Variants in CARM1 observed in about 807,000 individuals in gnomAD.
CARM1 encodes coactivator associated arginine methyltransferase 1.
In CARM1, 14 loss-of-function variants were observed where a neutral mutation model predicts 72.7. The observed-to-expected ratio is 0.19, with a 90% CI of 0.13 to 0.30. The LOEUF (loss-of-function observed/expected upper bound fraction) is 0.30, where lower values mean the gene tolerates loss of function less well. CARM1 is among the 10% of genes least tolerant of loss of function. The probability of loss-of-function intolerance (pLI) is 1.00; values close to 1 mark genes in which losing one functional copy is unlikely to be tolerated. For missense variants in CARM1, 432 were observed against 833.7 expected (o/e 0.52, Z 5.93); for synonymous variants, 333 against 345.5 (o/e 0.96, Z 0.40).
intron 1 of CARM1, among the ~76,000 whole-genome samples, chr19:10,873,600 T>C (rs925537762): frequency 6.0e-5 from 9 of 149,948 alleles, no homozygotes; most frequent in African/African-American, 2.2e-4. Flanking sequence ...AAAAAAAAAT[T>C]TTTTTTAGAA....
At position 10,921,977 on chromosome 19, in the gene CARM1, C is replaced by T. The variant is rs1356504819; in HGVS notation, c.*220C>T. 4.0e-6 allele frequency: 2 copies of T among 499,006 alleles called. No homozygotes were observed. Among genetic ancestry groups the T allele is most frequent in the Admixed American group, 3.8e-5 (1 of 26,594 alleles). 30.9% of individuals were successfully genotyped at this position (499,006 alleles called of 1,614,324 possible). ...GCGTGTGTCGCTGCCATATTTTACA[C>T]AAAATCATGTTGTGGGAGCCCTCGT... On this transcript the variant is annotated 3_prime_UTR_variant, in exon 16 of 16. Transcript: ENST00000327064.
chr19:10,873,080 G>A (rs879867809), intron 1 of CARM1, among the ~76,000 whole-genome samples: 2 of 152,156 alleles, frequency 1.3e-5, no homozygotes, highest in Non-Finnish European at 2.9e-5. Flanking sequence ...TCTTGGACCA[G>A]ATGAGAGGGG....
At chr19:10,913,286 T>C (rs1395827737) in intron 5 of CARM1, among the ~76,000 whole-genome samples, 7 of 152,176 alleles carry the variant, frequency 4.6e-5, no homozygotes, top group Non-Finnish European at 1.0e-4. Flanking sequence ...AGGCCAGGCA[T>C]GGTGGCTCAC....
At chr19:10,886,428 T>A (rs2073942891) in intron 1 of CARM1, among the ~76,000 whole-genome samples, 1 of 152,072 alleles carries the variant, frequency 6.6e-6, no homozygotes, top group Admixed American at 6.5e-5. Context: ...ACTCCTGGGC[T>A]CATGCAGTCC....
At chr19:10,880,412 C>G (rs901337377) in intron 1 of CARM1, among the ~76,000 whole-genome samples, 1 of 152,014 alleles carries the variant, frequency 6.6e-6, no homozygotes, top group African/African-American at 2.4e-5. Flanking sequence ...GTGACACGAT[C>G]ATAGCTCATT....
At chr19:10,890,795 A>ATATATATT (rs1217665879) in intron 1 of CARM1, among the ~76,000 whole-genome samples, 1 of 47,466 alleles carries the variant, frequency 2.1e-5, no homozygotes, top group Non-Finnish European at 3.4e-5. Flanking sequence ...ATATATATAT[A>ATATATATT]TTTTTTTTTT....
intron 1 of CARM1, among the ~76,000 whole-genome samples, chr19:10,875,975 G>A (rs1269567727): frequency 2.0e-5 from 3 of 151,044 alleles, no homozygotes; most frequent in Non-Finnish European, 2.9e-5. Flanking sequence ...CGAGCGATTC[G>A]CCTGCTTTGG....
chr19:10,915,232 G>A lies in CARM1; in HGVS notation c.848-1175G>A, dbSNP rs963156066. On this transcript the variant is annotated intron_variant, in intron 6 of 15. Coordinates refer to ENST00000327064, the MANE Select transcript of CARM1 (RefSeq NM_199141.2). The surrounding 1 kb of genome is among the most constrained non-coding windows in gnomAD (Gnocchi z 4.6). ...TATGGGAAGCAAGGCTGCTCCAGGG[G>A]CTGTGGGCCCCACTCTCCTCCCCTT... Among the ~76,000 whole-genome samples the A allele has an allele frequency of 3.9e-5, 6 of 152,170 alleles. No individual in the cohort carries two copies. The highest frequency in any genetic ancestry group is 7.4e-5 in the Non-Finnish European group (5 of 68,018).
At chr19:10,872,016 G>T (rs551902930) in intron 1 of CARM1, 94 bp downstream of exon 1, 8 of 1,039,780 alleles carry the variant, frequency 7.7e-6, no homozygotes, top group African/African-American at 6.8e-5. Context: ...TGAGCGCGGG[G>T]GCCTGGCGTG....
At chr19:10,901,004 C>T (rs118132430) in intron 1 of CARM1, among the ~76,000 whole-genome samples, 5,527 of 135,894 alleles carry the variant, frequency 0.041, 419 homozygotes, top group East Asian at 0.37. Context: ...TTTTCTGAAG[C>T]GGAGTCTCAC....
chr19:10,920,606 G>A lies in CARM1; in HGVS notation c.1334+33G>A, dbSNP rs1369876287. The A allele has an allele frequency of 6.2e-7, 1 of 1,613,936 alleles. No individual in the cohort carries two copies. The highest frequency in any genetic ancestry group is 8.5e-7 in the Non-Finnish European group (1 of 1,179,872). On this transcript the variant is annotated intron_variant, in intron 11 of 15. Transcript: ENST00000327064. This position sits in a 1 kb window ranked among gnomAD's most constrained non-coding sequence, Gnocchi z 5.3. ...TGCTCCCTGGGGCTGGTGGTGGTGG[G>A]CAGGGGTCCATCTGCCCAGCAGCTC...
intron 1 of CARM1, among the ~76,000 whole-genome samples, chr19:10,877,989 A>G (rs2073876074): frequency 6.6e-6 from 1 of 152,064 alleles, no homozygotes; most frequent in Non-Finnish European, 1.5e-5. Context: ...CTACAAGCAC[A>G]TGTCACCACC....
At chr19:10,906,951 G>A (rs1482607079) in intron 2 of CARM1, among the ~76,000 whole-genome samples, 3 of 146,706 alleles carry the variant, frequency 2.0e-5, no homozygotes, top group African/African-American at 7.6e-5. Flanking sequence ...CTGTTGCCCA[G>A]GCTGGAGTGC....
chr19:10,899,886 A>C (rs1371193187), intron 1 of CARM1, among the ~76,000 whole-genome samples: 2 of 151,930 alleles, frequency 1.3e-5, no homozygotes, highest in African/African-American at 4.8e-5. Flanking sequence ...ATGCCTTGCT[A>C]ATTTTTGTAT....
chr19:10,889,507 T>A, intron 1 of CARM1, among the ~76,000 whole-genome samples: 1 of 151,098 alleles, frequency 6.6e-6, no homozygotes, highest in South Asian at 2.1e-4. Flanking sequence ...TTTTGTATTT[T>A]TAGTAGAGAC....
chr19:10,872,660 C>A (rs559217653), intron 1 of CARM1, among the ~76,000 whole-genome samples: 253 of 152,272 alleles, frequency 1.7e-3, no homozygotes, highest in Non-Finnish European at 3.2e-3. Flanking sequence ...TTTTCCGAAG[C>A]TGCTTTCAAA....
chr19:10,921,023 C>T (rs376208483), intron 13 of CARM1, 27 bp from the exon 14 acceptor site: 64 of 1,612,502 alleles, frequency 4.0e-5, no homozygotes, highest in Non-Finnish European at 5.3e-5. Context: ...CTGCCTCCAG[C>T]CCTGACGTCT....
rs767160505 is a variant in CARM1 at position 10,920,417 on chromosome 19, G to T, written c.1197-19G>T. The T allele has an allele frequency of 6.2e-7, 1 of 1,603,678 alleles. No homozygotes were observed. The highest frequency in any genetic ancestry group is 1.1e-5 in the South Asian group (1 of 90,888). On this transcript the variant is annotated intron_variant, in intron 10 of 15. Coordinates refer to ENST00000327064, the MANE Select transcript of CARM1 (RefSeq NM_199141.2). The surrounding 1 kb of genome is among the most constrained non-coding windows in gnomAD (Gnocchi z 5.3). ...GTGGCGCCGGCCCAGTCAAGTATGT[G>T]CCTGTCCCTGCTCCACAGAATGACC...
chr19:10,920,347 G>T lies in CARM1; in HGVS notation c.1197-89G>T. 1 of 1,471,364 alleles carries T rather than the reference G, an allele frequency of 6.8e-7. No individual in the cohort carries two copies. The highest frequency in any genetic ancestry group is 2.1e-5 in the Admixed American group (1 of 48,140). 91.1% of individuals were successfully genotyped at this position (1,471,364 alleles called of 1,614,324 possible). A position where few individuals can be genotyped will look rare whatever the true frequency, so the allele number is the denominator to read the frequency against. On this transcript the variant is annotated intron_variant, in intron 10 of 15. Transcript: ENST00000327064. The surrounding 1 kb of genome is among the most constrained non-coding windows in gnomAD (Gnocchi z 5.3). ...CCAGGGGTCCCTGGCAGAGGGGGCA[G>T]GTGCTTGGGGAGGACTCAAGGCATA... is the stretch of plus-strand genomic sequence containing the variant.
Sources: allele counts gnomAD v4.1 joint callset (sites outside exome capture counted in the v4.1 genomes callset), GRCh38; gene constraint gnomAD v4.1.1; non-coding constraint Gnocchi (gnomAD v3.1); transcripts MANE v1.5; gene names NCBI Gene and HGNC (gene_info 2026-07-23, HGNC 2026-07-21).